Variants in CAMTA1 observed in about 807,000 individuals in gnomAD.
CAMTA1 encodes the protein calmodulin binding transcription activator 1.
Under a neutral mutation model 170.9 loss-of-function variants are expected in CAMTA1, and 27 were observed. The observed-to-expected ratio is 0.16, with a 90% CI of 0.12 to 0.22. The LOEUF (loss-of-function observed/expected upper bound fraction) is 0.22, where lower values mean the gene tolerates loss of function less well. Among genes scored for constraint, CAMTA1 ranks in the 10% least tolerant of loss-of-function variants. CAMTA1 has a pLI of 1.00. For synonymous variants in CAMTA1, 833 were observed against 891.5 expected (o/e 0.93, Z 1.17); for missense variants, 1,619 against 2,217.2 (o/e 0.73, Z 5.42).
At chr1:6,917,359 G>A (rs1001329441) in intron 3 of CAMTA1, among the ~76,000 whole-genome samples, 1 of 152,144 alleles carries the variant, frequency 6.6e-6, no homozygotes, top group African/African-American at 2.4e-5. Flanking sequence ...GAGAGAGCCA[G>A]CTGATGAGAT....
intron 3 of CAMTA1, among the ~76,000 whole-genome samples, chr1:7,016,608 T>C (rs552732310): frequency 1.6e-4 from 24 of 152,278 alleles, no homozygotes; most frequent in African/African-American, 5.5e-4. Flanking sequence ...CCAAGGCAGG[T>C]AGATCACTTG....
chr1:7,529,602 C>T (rs1244703828), intron 6 of CAMTA1, among the ~76,000 whole-genome samples: 1 of 152,132 alleles, frequency 6.6e-6, no homozygotes, highest in Non-Finnish European at 1.5e-5. Flanking sequence ...GTCCACGTTC[C>T]CTGCTCCTCT....
intron 5 of CAMTA1, among the ~76,000 whole-genome samples, chr1:7,276,291 A>ATTTTTTTTTTTTTTTTT (rs1257658481): frequency 3.9e-5 from 2 of 51,310 alleles, no homozygotes; most frequent in Non-Finnish European, 6.0e-5. Flanking sequence ...ATATATATAT[A>ATTTTTTTTTTTTTTTTT]TATATATATA....
At chr1:7,358,848 G>A (rs2085330378) in intron 5 of CAMTA1, among the ~76,000 whole-genome samples, 1 of 152,114 alleles carries the variant, frequency 6.6e-6, no homozygotes, top group Non-Finnish European at 1.5e-5. Context: ...GGATGGACAG[G>A]GTGGCCCCGG....
chr1:7,746,616 G>A (rs747493724), intron 18 of CAMTA1, among the ~76,000 whole-genome samples: 7 of 152,088 alleles, frequency 4.6e-5, no homozygotes, highest in African/African-American at 1.7e-4. Context: ...GGGCTTTTCC[G>A]GCACAGAACA....
chr1:7,004,123 A>G (rs1000739915), intron 3 of CAMTA1, among the ~76,000 whole-genome samples: 1 of 152,210 alleles, frequency 6.6e-6, no homozygotes, highest in Non-Finnish European at 1.5e-5. Flanking sequence ...ACACAATATT[A>G]TTTTCTAGGT....
rs1235810672 is a variant in CAMTA1, at chr1:7,633,253, TGA to T, written c.511-7143_511-7142del. Among the ~76,000 whole-genome samples, 1 of 152,230 alleles carries T rather than the reference TGA, an allele frequency of 6.6e-6. No homozygotes were observed. ...AGATGCCCTTCCACCACCTTCAGCC[TGA>T]GAGTCCTGTGCCTGGCAGGGCCCTG... On this transcript the variant is annotated intron_variant, in intron 6 of 22. Coordinates refer to ENST00000303635, the MANE Select transcript of CAMTA1 (RefSeq NM_015215.4). The surrounding 1 kb of genome is among the most constrained non-coding windows in gnomAD (Gnocchi z 4.1).
chr1:7,419,481 T>TGG (rs1044754123), intron 5 of CAMTA1, among the ~76,000 whole-genome samples: 17 of 152,154 alleles, frequency 1.1e-4, no homozygotes, highest in Non-Finnish European at 2.2e-4. Flanking sequence ...TCATGACTTT[T>TGG]GGGGATCCCA....
chr1:7,480,114 T>C (rs894666243), intron 6 of CAMTA1, among the ~76,000 whole-genome samples: 38 of 150,650 alleles, frequency 2.5e-4, no homozygotes, highest in African/African-American at 8.8e-4. Flanking sequence ...AGAGCGTGTG[T>C]GTGTGTGTGA....
At chr1:6,906,423 T>G (rs1353338796) in intron 3 of CAMTA1, among the ~76,000 whole-genome samples, 1 of 152,160 alleles carries the variant, frequency 6.6e-6, no homozygotes, top group African/African-American at 2.4e-5. Context: ...GTAGTGGCCC[T>G]TCTCCCAGCC....
intron 6 of CAMTA1, among the ~76,000 whole-genome samples, chr1:7,519,566 T>G (rs2094332873): frequency 6.6e-6 from 1 of 151,810 alleles, no homozygotes; most frequent in South Asian, 2.1e-4. Flanking sequence ...TCTCACTGAA[T>G]TTCTCCTCCC....
chr1:7,190,795 T>C (rs551538584), intron 4 of CAMTA1, among the ~76,000 whole-genome samples: 10 of 152,314 alleles, frequency 6.6e-5, no homozygotes, highest in African/African-American at 2.4e-4. Context: ...GGAGGCAGAC[T>C]CCATTCTAAG....
chr1:7,000,834 A>G (rs1698115777), intron 3 of CAMTA1, among the ~76,000 whole-genome samples: 1 of 152,092 alleles, frequency 6.6e-6, no homozygotes, highest in Admixed American at 6.5e-5. Flanking sequence ...AGAGAGAGAG[A>G]CTTTGTGGGA....
chr1:7,222,860 T>A (rs1661042120), intron 4 of CAMTA1, among the ~76,000 whole-genome samples: 1 of 152,254 alleles, frequency 6.6e-6, no homozygotes, highest in African/African-American at 2.4e-5. Context: ...CTGCTAAGCC[T>A]AGCTTCCTCT....
rs187269276 is a variant in CAMTA1, at chr1:6,990,505, T to C, written c.235-100799T>C. The stretch of plus-strand genomic sequence containing the variant: ...TCTAAATATTTCAGCATGCATATTA[T>C]GAACTGTTTATTTACTTTTTAAGGT... On this transcript the variant is annotated intron_variant, in intron 3 of 22. Transcript: ENST00000303635. Among the ~76,000 whole-genome samples the C allele has an allele frequency of 3.3e-5, 5 of 152,350 alleles. No individual in the cohort carries two copies. In the East Asian group the frequency reaches 9.6e-4, roughly 29 times the overall value.
intron 11 of CAMTA1, among the ~76,000 whole-genome samples, chr1:7,695,006 T>TA (rs1477052869): frequency 2.6e-5 from 4 of 152,236 alleles, no homozygotes; most frequent in African/African-American, 9.6e-5. Flanking sequence ...TCCTGAGGCA[T>TA]AAAAAATGCA....
At chr1:6,863,828 G>A (rs6668268) in intron 3 of CAMTA1, among the ~76,000 whole-genome samples, 2,208 of 152,218 alleles carry the variant, frequency 0.015, 49 homozygotes, top group African/African-American at 0.05. Flanking sequence ...TTCCCCTAAA[G>A]TCTTGTTCTT....
Position 7,041,838 on chromosome 1 carries a change from G to T in CAMTA1, c.235-49466G>T, listed in dbSNP as rs115817903. Among the ~76,000 whole-genome samples the T allele has an allele frequency of 1.3e-5, 2 of 152,142 alleles. No homozygotes were observed. The highest frequency in any genetic ancestry group is 4.8e-5 in the African/African-American group (2 of 41,416). Reference sequence around the variant, plus strand: ...CTAGACTATCTCGATACCTTGGGAGGATCTGTCATTAGTGTTTGGGGATTT... The same window carrying T: ...CTAGACTATCTCGATACCTTGGGAGTATCTGTCATTAGTGTTTGGGGATTT... On this transcript the variant is annotated intron_variant, in intron 3 of 22. Coordinates refer to ENST00000303635, the MANE Select transcript of CAMTA1 (RefSeq NM_015215.4). This position sits in a 1 kb window ranked among gnomAD's most constrained non-coding sequence, Gnocchi z 5.1.
chr1:7,279,097 T>C lies in CAMTA1; in HGVS notation c.438+29471T>C, dbSNP rs921987147. Among the ~76,000 whole-genome samples, 3 of 152,154 alleles carry C rather than the reference T, an allele frequency of 2.0e-5. No homozygotes were observed. In the East Asian group the frequency reaches 5.8e-4, roughly 29 times the overall value. On this transcript the variant is annotated intron_variant, in intron 5 of 22. Coordinates refer to ENST00000303635, the MANE Select transcript of CAMTA1 (RefSeq NM_015215.4). ...AATGAAGGGTGGGCAGTTCAGGTAC[T>C]TAGAGCGCAGAGCCTGAGGGGGCTG...
Sources: gnomAD v4.1 joint callset for allele counts (sites outside exome capture counted in the v4.1 genomes callset) on GRCh38, gnomAD v4.1.1 for gene constraint, Gnocchi (gnomAD v3.1) non-coding constraint, MANE v1.5 for transcripts, NCBI Gene and HGNC (gene_info 2026-07-23, HGNC 2026-07-21) for gene names.